Variants in CCBE1 observed in about 807,000 individuals in gnomAD.
CCBE1 encodes the protein collagen and calcium-binding EGF domain-containing protein 1.
Under a neutral mutation model 50.0 loss-of-function variants are expected in CCBE1, and 37 were observed. The observed-to-expected ratio is 0.74, with a 90% confidence interval of 0.57 to 0.97. The LOEUF (loss-of-function observed/expected upper bound fraction) is 0.97. CCBE1 is among the 50% of genes least tolerant of loss of function. CCBE1 has a pLI of 0.00. For synonymous variants in CCBE1, 234 were observed against 203.7 expected, an observed-to-expected ratio of 1.15 and a Z score of -1.27; for missense variants, 538 against 523.8, an observed-to-expected ratio of 1.03 and a Z score of -0.26.
At chr18:59,550,356 T>C (rs1339699852) in intron 2 of CCBE1, among the ~76,000 whole-genome samples, 1 of 152,210 alleles carries the variant, frequency 6.6e-6, no homozygotes, top group East Asian at 1.9e-4. Flanking sequence ...AGCTGAGTGG[T>C]TGTGACAGAG....
At chr18:59,527,700 T>C (rs1487479065) in intron 2 of CCBE1, among the ~76,000 whole-genome samples, 4 of 152,200 alleles carry the variant, frequency 2.6e-5, no homozygotes, top group Non-Finnish European at 5.9e-5. Context: ...TCTCTCAGGA[T>C]TTGCTTATCT....
intron 2 of CCBE1, among the ~76,000 whole-genome samples, chr18:59,519,691 C>G (rs528370609): frequency 1.3e-5 from 2 of 152,124 alleles, no homozygotes; most frequent in Non-Finnish European, 2.9e-5. Flanking sequence ...TCCCATTTGT[C>G]AATTTTGGCT....
At chr18:59,518,976 T>A (rs1278887596) in intron 2 of CCBE1, among the ~76,000 whole-genome samples, 3 of 152,146 alleles carry the variant, frequency 2.0e-5, no homozygotes, top group African/African-American at 7.2e-5. Flanking sequence ...CCCACAGAAG[T>A]AACTTGCTTC....
At chr18:59,607,057 G>GAAAA (rs59954169) in intron 2 of CCBE1, among the ~76,000 whole-genome samples, 8 of 117,372 alleles carry the variant, frequency 6.8e-5, no homozygotes, top group African/African-American at 2.1e-4. Flanking sequence ...GTTGAATTGG[G>GAAAA]AAAAAAAAAA....
chr18:59,612,318 G>T (rs73961280), intron 2 of CCBE1, among the ~76,000 whole-genome samples: 4 of 123,002 alleles, frequency 3.3e-5, no homozygotes, highest in Non-Finnish European at 5.1e-5. Context: ...AAAAAAAAGG[G>T]AAGAAAAAAA....
chr18:59,472,672 A>G (rs1000686381), intron 3 of CCBE1, among the ~76,000 whole-genome samples: 4 of 152,222 alleles, frequency 2.6e-5, no homozygotes, highest in African/African-American at 9.6e-5. Context: ...TGCATTCACC[A>G]TGAACCTAGG....
chr18:59,491,375 T>G (rs1363444385), intron 2 of CCBE1, among the ~76,000 whole-genome samples: 1 of 152,206 alleles, frequency 6.6e-6, no homozygotes, highest in Non-Finnish European at 1.5e-5. Context: ...ACCCTCACCT[T>G]ACTGTTCATG....
At chr18:59,644,840 C>A (rs1335703886) in intron 2 of CCBE1, among the ~76,000 whole-genome samples, 1 of 152,150 alleles carries the variant, frequency 6.6e-6, no homozygotes, top group Non-Finnish European at 1.5e-5. Context: ...CATTTACAAG[C>A]AAATTGAATC....
chr18:59,584,552 G>A (rs762737411), intron 2 of CCBE1, among the ~76,000 whole-genome samples: 3 of 152,150 alleles, frequency 2.0e-5, no homozygotes, highest in Non-Finnish European at 4.4e-5. Context: ...GGCCTGGTGG[G>A]AAGTGATTGG....
chr18:59,508,965 C>T (rs1914012350), intron 2 of CCBE1, among the ~76,000 whole-genome samples: 1 of 152,132 alleles, frequency 6.6e-6, no homozygotes, highest in Non-Finnish European at 1.5e-5. Context: ...TAGTATGCAG[C>T]CCACAGATAA....
At chr18:59,507,097 C>G (rs1243181413) in intron 2 of CCBE1, among the ~76,000 whole-genome samples, 2 of 152,196 alleles carry the variant, frequency 1.3e-5, no homozygotes, top group African/African-American at 4.8e-5. Flanking sequence ...CCAATGACCC[C>G]TGGAAATATT....
intron 6 of CCBE1, among the ~76,000 whole-genome samples, chr18:59,449,625 CAA>C (rs34310128): frequency 0.36 from 46,040 of 126,154 alleles, 7,471 homozygotes; most frequent in Admixed American, 0.41. Flanking sequence ...AGACTCTGTC[CAA>C]AAAAAAAAAA....
At chr18:59,479,693 G>A (rs537388066) in intron 3 of CCBE1, among the ~76,000 whole-genome samples, 1 of 152,142 alleles carries the variant, frequency 6.6e-6, no homozygotes, top group Non-Finnish European at 1.5e-5. Context: ...CCCCATCCTG[G>A]CTTCTCAACT....
At chr18:59,549,312 T>C (rs552937666) in intron 2 of CCBE1, among the ~76,000 whole-genome samples, 1 of 152,218 alleles carries the variant, frequency 6.6e-6, no homozygotes, top group East Asian at 1.9e-4. Context: ...GCTAAGCCAT[T>C]CTTCTTATTC....
At chr18:59,546,230 T>C (rs1915676540) in intron 2 of CCBE1, among the ~76,000 whole-genome samples, 2 of 152,246 alleles carry the variant, frequency 1.3e-5, no homozygotes, top group South Asian at 4.1e-4. Flanking sequence ...AATGAAGTTG[T>C]GTATTTTTTG....
At chr18:59,636,790 T>C (rs1334118092) in intron 2 of CCBE1, among the ~76,000 whole-genome samples, 1 of 152,174 alleles carries the variant, frequency 6.6e-6, no homozygotes, top group Non-Finnish European at 1.5e-5. Context: ...TGTTTATACA[T>C]GGATACAACT....
At chr18:59,662,009 C>T (rs748581210) in intron 2 of CCBE1, among the ~76,000 whole-genome samples, 5 of 151,950 alleles carry the variant, frequency 3.3e-5, no homozygotes, top group Non-Finnish European at 7.4e-5. Flanking sequence ...AAGTTACAAC[C>T]AGCAGCATTG....
chr18:59,606,352 T>C (rs1192682613), intron 2 of CCBE1, among the ~76,000 whole-genome samples: 1 of 152,152 alleles, frequency 6.6e-6, no homozygotes, highest in Admixed American at 6.5e-5. Flanking sequence ...AATGTCCACA[T>C]GGCAAACCGC....
chr18:59,510,198 G>T (rs1252530389), intron 2 of CCBE1, among the ~76,000 whole-genome samples: 1 of 152,180 alleles, frequency 6.6e-6, no homozygotes, highest in Non-Finnish European at 1.5e-5. Context: ...GATCCTTGCT[G>T]CTGTGTGAAT....
Sources: gnomAD v4.1 joint callset for allele counts (sites outside exome capture counted in the v4.1 genomes callset) on GRCh38, gnomAD v4.1.1 for gene constraint, MANE v1.5 for transcripts, NCBI Gene and HGNC (gene_info 2026-07-23, HGNC 2026-07-21) for gene names.